Variants in PPP1R14C observed in about 807,000 individuals in gnomAD.
PPP1R14C encodes the protein protein phosphatase 1 regulatory inhibitor subunit 14C, also known as protein phosphatase 1 regulatory subunit 14C.
PPP1R14C carries 16 observed loss-of-function variants against 20.4 expected under a neutral mutation model. The ratio of observed to expected loss-of-function variants is 0.78; its 90% confidence interval spans 0.53 to 1.19. The LOEUF is 1.19. Among genes scored for constraint, PPP1R14C ranks in the 50% most tolerant of loss-of-function variants. The pLI, the probability that PPP1R14C is intolerant of heterozygous loss-of-function variation, is 0.00. For synonymous variants in PPP1R14C, 91 were observed against 91.0 expected (o/e 1.00, Z 0.00); for missense variants, 211 against 220.1 (o/e 0.96, Z 0.26).
chr6:150,211,225 T>A lies in PPP1R14C; in HGVS notation c.307-3519T>A, dbSNP rs142115722. On this transcript the variant is annotated intron_variant, in intron 1 of 3. Transcript: ENST00000361131. ...TGTGTTTAGACAGCCCGTCCCCCAGTGCCAGGGCCTCACTGTGGCTGACAC... is the reference window on the plus strand; with the variant it reads ...TGTGTTTAGACAGCCCGTCCCCCAGAGCCAGGGCCTCACTGTGGCTGACAC... Among the ~76,000 whole-genome samples the A allele has an allele frequency of 6.6e-4, 100 of 152,336 alleles. 1 individual carries two copies. The highest frequency in any genetic ancestry group is 2.4e-3 in the African/African-American group (98 of 41,574).
At chr6:150,195,136 T>C in intron 1 of PPP1R14C, 13 of 984,632 alleles carry the variant, frequency 1.3e-5, no homozygotes, top group Non-Finnish European at 1.6e-5. Flanking sequence ...TATTCTTAAC[T>C]TGAACATTTC....
chr6:150,211,642 CT>C (rs1239204976), intron 1 of PPP1R14C, among the ~76,000 whole-genome samples: 1 of 152,166 alleles, frequency 6.6e-6, no homozygotes, highest in African/African-American at 2.4e-5. Context: ...TATTTCCATA[CT>C]TCTCATTAAG....
intron 3 of PPP1R14C, among the ~76,000 whole-genome samples, chr6:150,221,241 C>A (rs1353554518): frequency 6.6e-6 from 1 of 152,210 alleles, no homozygotes; most frequent in Non-Finnish European, 1.5e-5. Flanking sequence ...TTAATCCTCA[C>A]AATTGTCACT....
At chr6:150,202,225 C>T (rs990832819) in intron 1 of PPP1R14C, among the ~76,000 whole-genome samples, 1 of 152,168 alleles carries the variant, frequency 6.6e-6, no homozygotes, top group African/African-American at 2.4e-5. Flanking sequence ...TGGGTGCCCA[C>T]CCCACAACAA....
chr6:150,162,953 C>T (rs907878281), intron 1 of PPP1R14C, among the ~76,000 whole-genome samples: 2 of 152,116 alleles, frequency 1.3e-5, no homozygotes, highest in Non-Finnish European at 2.9e-5. Context: ...AGAGATGGCA[C>T]CAGCGGTGTG....
At chr6:150,148,751 G>A (rs896936548) in intron 1 of PPP1R14C, among the ~76,000 whole-genome samples, 1 of 152,184 alleles carries the variant, frequency 6.6e-6, no homozygotes, top group Admixed American at 6.5e-5. Context: ...AACTCAACCT[G>A]TCAACTACTA....
At chr6:150,247,890 G>A (rs1192298270) in intron 3 of PPP1R14C, among the ~76,000 whole-genome samples, 2 of 152,182 alleles carry the variant, frequency 1.3e-5, no homozygotes, top group African/African-American at 2.4e-5. Flanking sequence ...CCCTGTCTTA[G>A]TAGTCAATTT....
At chr6:150,226,036 A>G (rs1778226192) in intron 3 of PPP1R14C, among the ~76,000 whole-genome samples, 1 of 152,166 alleles carries the variant, frequency 6.6e-6, no homozygotes, top group South Asian at 2.1e-4. Context: ...TTCATCCTAT[A>G]TGGGCCACTG....
In PPP1R14C at chr6:150,148,747, A is replaced by T. The variant is rs371835575; in HGVS notation, c.306+5249A>T. On this transcript the variant is annotated intron_variant, in intron 1 of 3. Coordinates refer to ENST00000361131, the MANE Select transcript of PPP1R14C (RefSeq NM_030949.3). ...AAACCCCCTGAACTCCATAAACTCA[A>T]CCTGTCAACTACTAAGGAATAAATT... is the stretch of plus-strand genomic sequence containing the variant. Among the ~76,000 whole-genome samples, 10 of 152,312 alleles carry T rather than the reference A, an allele frequency of 6.6e-5. 1 individual carries two copies. Among genetic ancestry groups the T allele is most frequent in the East Asian group, 1.9e-4 (1 of 5,178 alleles).
intron 1 of PPP1R14C, among the ~76,000 whole-genome samples, chr6:150,183,528 T>G (rs953656642): frequency 2.0e-5 from 3 of 151,954 alleles, no homozygotes; most frequent in African/African-American, 7.3e-5. Context: ...CTTTTTTTTT[T>G]TGAGACGCAG....
chr6:150,247,154 T>C (rs1778502337), intron 3 of PPP1R14C, among the ~76,000 whole-genome samples: 1 of 152,166 alleles, frequency 6.6e-6, no homozygotes, highest in Admixed American at 6.6e-5. Context: ...TCATTTAGTC[T>C]GGGAGCTCAT....
At chr6:150,164,593 T>C in intron 1 of PPP1R14C, 1 of 184,592 alleles carries the variant, frequency 5.4e-6, no homozygotes, top group Admixed American at 4.8e-5. Flanking sequence ...GATCCTTTTG[T>C]AGTTCATAGC....
intron 1 of PPP1R14C, among the ~76,000 whole-genome samples, chr6:150,193,345 A>G (rs1777767901): frequency 6.6e-6 from 1 of 152,024 alleles, no homozygotes; most frequent in Admixed American, 6.6e-5. Flanking sequence ...AAAGTTGCCT[A>G]TGTCAGTGGT....
At chr6:150,159,597 G>A (rs1488480762) in intron 1 of PPP1R14C, among the ~76,000 whole-genome samples, 2 of 146,942 alleles carry the variant, frequency 1.4e-5, no homozygotes, top group African/African-American at 2.5e-5. Flanking sequence ...CAGTCCCTTC[G>A]TCTGTCTCTG....
At chr6:150,170,643 C>T (rs906115083) in intron 1 of PPP1R14C, among the ~76,000 whole-genome samples, 9 of 151,940 alleles carry the variant, frequency 5.9e-5, no homozygotes, top group African/African-American at 1.2e-4. Context: ...TTTAAGCACC[C>T]GTGATATCGA....
chr6:150,181,053 G>C (rs1186373506), intron 1 of PPP1R14C, among the ~76,000 whole-genome samples: 1 of 152,200 alleles, frequency 6.6e-6, no homozygotes, highest in African/African-American at 2.4e-5. Flanking sequence ...AGTGGTTACT[G>C]ATGTCTTTTT....
At chr6:150,176,206 G>A (rs1777560689) in intron 1 of PPP1R14C, among the ~76,000 whole-genome samples, 1 of 152,208 alleles carries the variant, frequency 6.6e-6, no homozygotes, top group African/African-American at 2.4e-5. Context: ...CCTAGGCAGC[G>A]CTTGGAGCCA....
At position 150,143,141 on chromosome 6, in the gene PPP1R14C, C is replaced by T; in HGVS notation, c.-52C>T. On this transcript the variant is annotated 5_prime_UTR_variant, in exon 1 of 4. Transcript: ENST00000361131. This position sits in a 1 kb window ranked among gnomAD's most constrained non-coding sequence, Gnocchi z 5.6. ...CCGGAGGTGGTAGCGGCGCCGGGCG[C>T]GCTCCGCCCGCCCCTCCTCCGGGCC... 3 of 1,193,460 alleles carry T rather than the reference C, an allele frequency of 2.5e-6. No individual in the cohort carries two copies. The highest frequency in any genetic ancestry group is 3.1e-6 in the Non-Finnish European group (3 of 965,990). 73.9% of individuals were successfully genotyped at this position (1,193,460 alleles called of 1,614,324 possible).
chr6:150,198,716 C>CG (rs1562267229), intron 1 of PPP1R14C, among the ~76,000 whole-genome samples: 1 of 152,186 alleles, frequency 6.6e-6, no homozygotes, highest in Non-Finnish European at 1.5e-5. Context: ...TGACATAGTC[C>CG]GGGCAGCCCC....
Sources: allele counts gnomAD v4.1 joint callset (sites outside exome capture counted in the v4.1 genomes callset), GRCh38; gene constraint gnomAD v4.1.1; non-coding constraint Gnocchi (gnomAD v3.1); transcripts MANE v1.5; gene names NCBI Gene and HGNC (gene_info 2026-07-23, HGNC 2026-07-21).